The following MEGF11 variants were observed in gnomAD, a reference collection of about 807,000 sequenced individuals.
The protein encoded by MEGF11 is multiple EGF like domains 11.
Under a neutral mutation model 146.6 loss-of-function variants are expected in MEGF11, and 126 were observed. The observed-to-expected ratio is 0.86, with a 90% CI of 0.74 to 1.00. The LOEUF (loss-of-function observed/expected upper bound fraction) is 1.00. MEGF11 is among the 50% of genes least tolerant of loss of function. MEGF11 has a pLI of 0.00. For synonymous variants in MEGF11, 532 were observed against 583.4 expected (o/e 0.91, Z 1.27); for missense variants, 1,509 against 1,521.2 (o/e 0.99, Z 0.13).
At chr15:66,106,782 C>T (rs1473127589) in intron 4 of MEGF11, among the ~76,000 whole-genome samples, 3 of 152,164 alleles carry the variant, frequency 2.0e-5, no homozygotes, top group Admixed American at 1.3e-4. Flanking sequence ...GCAGATATGC[C>T]CCTTCCTCAG....
At chr15:66,197,110 GTTCTTAGACAC>G (rs1476875487) in intron 1 of MEGF11, among the ~76,000 whole-genome samples, 2 of 152,222 alleles carry the variant, frequency 1.3e-5, no homozygotes, top group Non-Finnish European at 2.9e-5. Context: ...GCCACATACA[GTTCTTAGACAC>G]TTCATATGTA....
At chr15:65,980,702 T>A in intron 7 of MEGF11, 76 bp downstream of exon 7, 2 of 1,469,582 alleles carry the variant, frequency 1.4e-6, no homozygotes, top group Non-Finnish European at 1.8e-6. Flanking sequence ...CCGGCTAGTT[T>A]AGCCTTTTAA....
chr15:66,207,978 G>C (rs1475203704), intron 1 of MEGF11, among the ~76,000 whole-genome samples: 1 of 151,978 alleles, frequency 6.6e-6, no homozygotes, highest in Non-Finnish European at 1.5e-5. Context: ...CCAGCTACTG[G>C]GGAGGCTGAG....
rs1013117760 is a variant in MEGF11 at position 66,253,632 on chromosome 15, G to T, written c.-36C>A. ...GCTCCCGCGGCCGGCCCAGGGATCG[G>T]CCGGCCAGTCGCGCGGTCCTGTCCT... On this transcript the variant is annotated 5_prime_UTR_variant, in exon 1 of 26. Coordinates refer to ENST00000395614, the MANE Select transcript of MEGF11 (RefSeq NM_001385028.1). 4 of 151,916 alleles carry T rather than the reference G, an allele frequency of 2.6e-5. No individual in the cohort carries two copies. The highest frequency in any genetic ancestry group is 6.5e-5 in the Admixed American group (1 of 15,276). 9.4% of individuals were successfully genotyped at this position (151,916 alleles called of 1,614,324 possible).
intron 1 of MEGF11, among the ~76,000 whole-genome samples, chr15:66,245,203 C>A (rs1436246777): frequency 6.6e-6 from 1 of 152,090 alleles, no homozygotes; most frequent in Non-Finnish European, 1.5e-5. Context: ...TGAGTCCTAG[C>A]AGTGAACAGG....
intron 7 of MEGF11, among the ~76,000 whole-genome samples, chr15:65,971,910 G>A (rs1403664037): frequency 6.6e-6 from 1 of 152,154 alleles, no homozygotes. Flanking sequence ...AAGGAAAAAA[G>A]CCTCTGTCAT....
intron 5 of MEGF11, among the ~76,000 whole-genome samples, chr15:65,999,961 G>A (rs1034422019): frequency 2.6e-5 from 4 of 152,174 alleles, no homozygotes; most frequent in Non-Finnish European, 4.4e-5. Context: ...GCCAGGTAAG[G>A]GAAAGGGGCA....
At chr15:66,232,090 G>A (rs1044888672) in intron 1 of MEGF11, among the ~76,000 whole-genome samples, 4 of 152,198 alleles carry the variant, frequency 2.6e-5, no homozygotes, top group Admixed American at 6.5e-5. Context: ...GAGTCCACAG[G>A]TGCTGCTCAG....
At chr15:66,106,386 A>G (rs570598051) in intron 4 of MEGF11, among the ~76,000 whole-genome samples, 1 of 152,322 alleles carries the variant, frequency 6.6e-6, no homozygotes, top group South Asian at 2.1e-4. Context: ...AGCATTTTAC[A>G]CACAGCAAAA....
intron 4 of MEGF11, among the ~76,000 whole-genome samples, chr15:66,095,721 T>TG (rs2086517463): frequency 6.6e-6 from 1 of 152,196 alleles, no homozygotes; most frequent in African/African-American, 2.4e-5. Context: ...CATGCCCCAC[T>TG]GGTCAGTGGT....
chr15:66,247,895 G>A (rs1461206850), intron 1 of MEGF11, among the ~76,000 whole-genome samples: 1 of 151,572 alleles, frequency 6.6e-6, no homozygotes, highest in Non-Finnish European at 1.5e-5. Context: ...AATTAGCCAG[G>A]CATGGTGGCG....
chr15:66,127,581 C>A (rs2088422521), intron 2 of MEGF11, among the ~76,000 whole-genome samples: 1 of 152,220 alleles, frequency 6.6e-6, no homozygotes, highest in Non-Finnish European at 1.5e-5. Context: ...ATGTAAGTGG[C>A]AGAGTCATCC....
chr15:65,981,148 T>C (rs1480927446), intron 6 of MEGF11, among the ~76,000 whole-genome samples: 1 of 152,130 alleles, frequency 6.6e-6, no homozygotes, highest in Non-Finnish European at 1.5e-5. Flanking sequence ...AGAAGAGTAT[T>C]CTGGGGAGGA....
intron 9 of MEGF11, among the ~76,000 whole-genome samples, chr15:65,963,613 G>T (rs150690769): frequency 2.0e-5 from 3 of 152,172 alleles, no homozygotes. Flanking sequence ...GAAGGTGCTC[G>T]GGGTTTCCTC....
chr15:66,076,110 TAA>T (rs2085565200), intron 5 of MEGF11, among the ~76,000 whole-genome samples: 1 of 152,136 alleles, frequency 6.6e-6, no homozygotes, highest in Non-Finnish European at 1.5e-5. Flanking sequence ...GATGGAAGAA[TAA>T]AGAGATAGAT....
intron 4 of MEGF11, among the ~76,000 whole-genome samples, chr15:66,103,290 A>G (rs1317064501): frequency 6.6e-6 from 1 of 152,216 alleles, no homozygotes; most frequent in African/African-American, 2.4e-5. Flanking sequence ...GCTACTGGCT[A>G]TAACGGAATG....
At chr15:66,053,795 A>T (rs2084561997) in intron 5 of MEGF11, among the ~76,000 whole-genome samples, 1 of 125,020 alleles carries the variant, frequency 8.0e-6, no homozygotes, top group Non-Finnish European at 1.6e-5. Flanking sequence ...TGGTGTGATC[A>T]TGGTTCACTG....
At chr15:66,151,178 A>G (rs1320963648) in intron 1 of MEGF11, among the ~76,000 whole-genome samples, 2 of 152,146 alleles carry the variant, frequency 1.3e-5, no homozygotes, top group Non-Finnish European at 2.9e-5. Context: ...CCTAAAACAC[A>G]GGCTGCATGC....
chr15:66,061,065 G>A (rs1407255006), intron 5 of MEGF11, among the ~76,000 whole-genome samples: 1 of 152,234 alleles, frequency 6.6e-6, no homozygotes, highest in Non-Finnish European at 1.5e-5. Context: ...CCAGTTAGGA[G>A]GAGGAGCTGG....
Sources: allele counts gnomAD v4.1 joint callset (sites outside exome capture counted in the v4.1 genomes callset), GRCh38; gene constraint gnomAD v4.1.1; transcripts MANE v1.5; gene names NCBI Gene and HGNC (gene_info 2026-07-23, HGNC 2026-07-21).